The following SCNN1B variants were observed in gnomAD, a reference collection of about 807,000 sequenced individuals.
SCNN1B encodes sodium channel epithelial 1 subunit beta.
In SCNN1B, 46 loss-of-function variants were observed where a neutral mutation model predicts 65.3. The ratio of observed to expected loss-of-function variants is 0.70; its 90% CI spans 0.56 to 0.90. The LOEUF is 0.90. SCNN1B is among the 40% of genes least tolerant of loss of function. The pLI, the probability that SCNN1B is intolerant of heterozygous loss-of-function variation, is 0.00. For synonymous variants in SCNN1B, 349 were observed against 330.6 expected (o/e 1.06, Z -0.60); for missense variants, 751 against 830.5 (o/e 0.90, Z 1.18).
At chr16:23,320,858 C>T (rs950105929) in intron 1 of SCNN1B, among the ~76,000 whole-genome samples, 1 of 152,202 alleles carries the variant, frequency 6.6e-6, no homozygotes, top group Non-Finnish European at 1.5e-5. Flanking sequence ...AGGGACGGGG[C>T]AGGGCCCTCT....
intron 1 of SCNN1B, among the ~76,000 whole-genome samples, chr16:23,283,563 A>G (rs1960811064): frequency 6.6e-6 from 1 of 152,262 alleles, no homozygotes; most frequent in Non-Finnish European, 1.5e-5. Context: ...TACTCCAGGT[A>G]CAATTTCTAC....
rs1273330673 is a variant in SCNN1B at position 23,348,062 on chromosome 16, C to T, written c.-8-530C>T. 6.6e-6 allele frequency among the ~76,000 whole-genome samples: 1 copy of T among 152,214 alleles called. No individual in the cohort carries two copies. The highest frequency in any genetic ancestry group is 2.4e-5 in the African/African-American group (1 of 41,452). The stretch of plus-strand genomic sequence containing the variant: ...ACACAGGACACATTCCATTGCAGAG[C>T]ACTCACACACAGTCACACTCACTCA... On this transcript the variant is annotated intron_variant, in intron 1 of 12. Transcript: ENST00000343070. This position sits in a 1 kb window ranked among gnomAD's most constrained non-coding sequence, Gnocchi z 4.5.
intron 1 of SCNN1B, among the ~76,000 whole-genome samples, chr16:23,333,135 G>GAGGA (rs1170026156): frequency 2.3e-5 from 2 of 88,160 alleles, no homozygotes; most frequent in Admixed American, 2.3e-4. Flanking sequence ...GGGAGGGAGG[G>GAGGA]AGGAAGGAAG....
intron 8 of SCNN1B, among the ~76,000 whole-genome samples, chr16:23,376,817 G>A (rs560093354): frequency 2.0e-5 from 3 of 151,134 alleles, no homozygotes; most frequent in South Asian, 2.1e-4. Flanking sequence ...GCTGTCAGCC[G>A]GAGACTCACC....
In SCNN1B at chr16:23,317,788, T is replaced by C. The variant is rs545250263; in HGVS notation, c.-9+15351T>C. On this transcript the variant is annotated intron_variant, in intron 1 of 12. Transcript: ENST00000343070. ...CAATGCTGTGCCAGGGAATCCTGAG[T>C]GTCTTGCCTCCAGCCTCTAGGGCTG... Among the ~76,000 whole-genome samples the C allele has an allele frequency of 4.6e-5, 7 of 152,264 alleles. No individual in the cohort carries two copies. The South Asian group carries it at 1.5e-3, about 32-fold the overall frequency.
At chr16:23,289,528 G>A (rs911941587) in intron 2 of SCNN1B, among the ~76,000 whole-genome samples, 1 of 151,556 alleles carries the variant, frequency 6.6e-6, no homozygotes, top group African/African-American at 2.4e-5. Context: ...TCTAGCCTTA[G>A]TGACAGCTTG....
chr16:23,340,116 T>C (rs1023534951), intron 1 of SCNN1B, among the ~76,000 whole-genome samples: 16 of 152,350 alleles, frequency 1.1e-4, no homozygotes, highest in African/African-American at 3.8e-4. Flanking sequence ...ATGGTGTCTA[T>C]TCAAATCATT....
chr16:23,375,636 C>T (rs1279492726), intron 7 of SCNN1B, 102 bp from the exon 8 acceptor site: 4 of 854,192 alleles, frequency 4.7e-6, no homozygotes, highest in Non-Finnish European at 8.2e-6. Context: ...CACCTACCTC[C>T]CTTAACTTGG....
At chr16:23,291,653 C>A (rs1261447540) in intron 2 of SCNN1B, among the ~76,000 whole-genome samples, 1 of 151,774 alleles carries the variant, frequency 6.6e-6, no homozygotes, top group African/African-American at 2.4e-5. Flanking sequence ...TGGCTCACTG[C>A]ACCCATAACC....
intron 4 of SCNN1B, among the ~76,000 whole-genome samples, chr16:23,365,038 A>G (rs1275084322): frequency 7.2e-5 from 11 of 152,096 alleles, no homozygotes; most frequent in Admixed American, 7.2e-4. Context: ...AGGCAGGAGA[A>G]TCGCTTGAAC....
At chr16:23,368,130 G>A (rs1048393659) in intron 5 of SCNN1B, among the ~76,000 whole-genome samples, 171 bp downstream of exon 5, 6 of 152,190 alleles carry the variant, frequency 3.9e-5, no homozygotes, top group African/African-American at 7.2e-5. Flanking sequence ...CAGGCCAGGC[G>A]CTTCCTCAGC....
intron 1 of SCNN1B, among the ~76,000 whole-genome samples, chr16:23,325,149 C>G (rs914050674): frequency 6.6e-6 from 1 of 152,226 alleles, no homozygotes; most frequent in African/African-American, 2.4e-5. Flanking sequence ...CACTCCATCC[C>G]CAGCAGGACA....
At chr16:23,318,101 G>A (rs972960777) in intron 1 of SCNN1B, among the ~76,000 whole-genome samples, 2 of 152,220 alleles carry the variant, frequency 1.3e-5, no homozygotes, top group African/African-American at 4.8e-5. Flanking sequence ...AGAAGATTGT[G>A]TCTGGGCATT....
chr16:23,317,247 C>T lies in SCNN1B; in HGVS notation c.-9+14810C>T, dbSNP rs183416131. Among the ~76,000 whole-genome samples, 257 of 152,294 alleles carry T rather than the reference C, an allele frequency of 1.7e-3. 1 individual carries two copies. The highest frequency in any genetic ancestry group is 2.9e-3 in the Non-Finnish European group (196 of 68,034). On this transcript the variant is annotated intron_variant, in intron 1 of 12. Coordinates refer to ENST00000343070, the MANE Select transcript of SCNN1B (RefSeq NM_000336.3). ...GTGGTAAGAGGCACATGAGCTAATG[C>T]CTGTGAGGCCCTGGCACAGGGCCTG...
chr16:23,326,836 G>A (rs575861625), intron 1 of SCNN1B, among the ~76,000 whole-genome samples: 22 of 152,180 alleles, frequency 1.4e-4, no homozygotes, highest in Admixed American at 4.6e-4. Context: ...ACTGCCTAGT[G>A]GTGACGTCTG....
chr16:23,331,764 C>G (rs957061057), intron 1 of SCNN1B, among the ~76,000 whole-genome samples: 1 of 152,132 alleles, frequency 6.6e-6, no homozygotes, highest in African/African-American at 2.4e-5. Flanking sequence ...ACAGCACCAG[C>G]ACAGCTCAGA....
At chr16:23,293,752 C>A (rs755575277) in intron 2 of SCNN1B, among the ~76,000 whole-genome samples, 1 of 151,634 alleles carries the variant, frequency 6.6e-6, no homozygotes, top group South Asian at 2.1e-4. Context: ...CATAGGGAGA[C>A]CCCTTCTCTA....
intron 1 of SCNN1B, among the ~76,000 whole-genome samples, chr16:23,278,661 A>G (rs1313049343): frequency 3.3e-5 from 5 of 151,958 alleles, no homozygotes; most frequent in African/African-American, 4.8e-5. Flanking sequence ...ATAACATCTG[A>G]GTGCACTCAA....
intron 10 of SCNN1B, 67 bp downstream of exon 10, chr16:23,377,453 G>A (rs1243122424): frequency 6.6e-7 from 1 of 1,520,206 alleles, no homozygotes. Context: ...GGCATAAGAT[G>A]TGGGCTATTT....
Sources: gnomAD v4.1 joint callset for allele counts (sites outside exome capture counted in the v4.1 genomes callset) on GRCh38, gnomAD v4.1.1 for gene constraint, Gnocchi (gnomAD v3.1) non-coding constraint, MANE v1.5 for transcripts, NCBI Gene and HGNC (gene_info 2026-07-23, HGNC 2026-07-21) for gene names.